WT1: variants seen among roughly 807,000 people sequenced by gnomAD.
WT1 encodes Wilms tumor protein.
A neutral mutation model predicts 60.8 loss-of-function variants in WT1; 8 were observed. That is an observed-to-expected ratio of 0.13 (90% CI 0.08 to 0.24). The LOEUF is 0.24. Ranked by LOEUF, WT1 falls within the 10% of genes least tolerant of loss-of-function variation. WT1 has a pLI of 1.00. For missense variants in WT1, 568 were observed against 711.8 expected (o/e 0.80, Z 2.30); for synonymous variants, 312 against 297.1 (o/e 1.05, Z -0.52).
chr11:32,408,312 G>A (rs1456533908), intron 5 of WT1, among the ~76,000 whole-genome samples: 1 of 151,358 alleles, frequency 6.6e-6, no homozygotes, highest in Admixed American at 6.6e-5. Context: ...CAGGAGATCA[G>A]GACCATCCTG....
At chr11:32,402,750 A>C (rs5030241) in intron 5 of WT1, among the ~76,000 whole-genome samples, 2 of 152,002 alleles carry the variant, frequency 1.3e-5, no homozygotes, top group African/African-American at 4.8e-5. Context: ...GGTCTTGCTA[A>C]GTCCTCCATA....
Position 32,409,083 on chromosome 11 carries a change from T to C in WT1, c.1016+7407A>G, listed in dbSNP as rs16923246. ...GTCACTTTCATATGCACTTATCAGA[T>C]CTTATTTGGGGAATGAATAGATACT... On this transcript the variant is annotated intron_variant, in intron 5 of 9. Coordinates refer to ENST00000452863, the MANE Select transcript of WT1 (RefSeq NM_024426.6). Among the ~76,000 whole-genome samples the C allele has an allele frequency of 3.3e-3, 507 of 152,286 alleles. 2 individuals are homozygous for C. The highest frequency in any genetic ancestry group is 0.012 in the African/African-American group (485 of 41,550).
intron 7 of WT1, among the ~76,000 whole-genome samples, chr11:32,395,056 A>G (rs1028734751): frequency 6.6e-6 from 1 of 152,232 alleles, no homozygotes; most frequent in Non-Finnish European, 1.5e-5. Context: ...TCTGTGGCCC[A>G]CTGAGTGCAA....
intron 3 of WT1, among the ~76,000 whole-genome samples, chr11:32,424,675 A>G (rs1489851033): frequency 6.6e-6 from 1 of 152,104 alleles, no homozygotes; most frequent in Non-Finnish European, 1.5e-5. Flanking sequence ...TTTTCTATTC[A>G]CTGTTGTTCA....
At chr11:32,426,215 A>C (rs1458557064) in intron 3 of WT1, among the ~76,000 whole-genome samples, 9 of 152,172 alleles carry the variant, frequency 5.9e-5, no homozygotes, top group Non-Finnish European at 7.3e-5. Context: ...CTCCCGCATC[A>C]AGGTCTTCTC....
chr11:32,405,178 C>T (rs371570158), intron 5 of WT1, among the ~76,000 whole-genome samples: 1 of 152,104 alleles, frequency 6.6e-6, no homozygotes, highest in East Asian at 1.9e-4. Context: ...CTCACAGGGA[C>T]GGCTACCCTG....
At chr11:32,393,747 C>A (rs771195854) in intron 7 of WT1, among the ~76,000 whole-genome samples, 7 of 152,230 alleles carry the variant, frequency 4.6e-5, no homozygotes, top group South Asian at 2.1e-4. Flanking sequence ...TTCTGCAATG[C>A]CTGCTTGGAA....
chr11:32,430,786 T>C, intron 1 of WT1: 1 of 1,308,016 alleles, frequency 7.6e-7, no homozygotes, highest in Non-Finnish European at 9.7e-7. Context: ...CTCCTTCAGG[T>C]CCCCCCGGGA....
intron 1 of WT1, among the ~76,000 whole-genome samples, chr11:32,429,336 A>G (rs945407244): frequency 1.3e-5 from 2 of 151,936 alleles, no homozygotes; most frequent in African/African-American, 4.8e-5. Flanking sequence ...GTAGGAGCCA[A>G]CTTCCTCACT....
chr11:32,433,756 G>C (rs1853387570), intron 1 of WT1, among the ~76,000 whole-genome samples: 1 of 152,238 alleles, frequency 6.6e-6, no homozygotes, highest in Non-Finnish European at 1.5e-5. Flanking sequence ...CGCGGGATGA[G>C]AAACCAACCT....
intron 5 of WT1, among the ~76,000 whole-genome samples, chr11:32,403,355 G>A (rs1274955434): frequency 1.3e-5 from 2 of 152,070 alleles, no homozygotes; most frequent in Non-Finnish European, 2.9e-5. Context: ...CTCGGTCTGG[G>A]AACCATAGAC....
chr11:32,433,778 T>G (rs1853388913), intron 1 of WT1, among the ~76,000 whole-genome samples: 1 of 152,200 alleles, frequency 6.6e-6, no homozygotes, highest in South Asian at 2.1e-4. Context: ...ATACTTATCG[T>G]GTGCCGAGTT....
intron 7 of WT1, among the ~76,000 whole-genome samples, chr11:32,393,344 T>G (rs753164124): frequency 3.3e-5 from 5 of 152,314 alleles, no homozygotes; most frequent in Non-Finnish European, 5.9e-5. Context: ...TTGGTGTGCT[T>G]TATCCAAGAG....
rs2132900226 is a variant in WT1 at position 32,389,195 on chromosome 11, C to T, written c.1448-16G>A. ...GGCTTTTCACCTGTTGACACAATTG[C>T]CAGTCAGAGACACTTGCAACAAAGA... On this transcript the variant is annotated splice_polypyrimidine_tract_variant and intron_variant, in intron 9 of 9. Transcript: ENST00000452863. 1.2e-6 allele frequency: 2 copies of T among 1,613,902 alleles called. No homozygotes were observed. The highest frequency in any genetic ancestry group is 1.7e-6 in the Non-Finnish European group (2 of 1,179,882).
chr11:32,430,379 G>A, intron 1 of WT1: 1 of 1,218,652 alleles, frequency 8.2e-7, no homozygotes, highest in Admixed American at 2.2e-5. Flanking sequence ...CGGAGTGAAG[G>A]CCGAATTTCT....
intron 1 of WT1, 87 bp from the exon 2 acceptor site, chr11:32,428,706 G>A (rs986938044): frequency 4.5e-6 from 7 of 1,544,996 alleles, no homozygotes; most frequent in East Asian, 2.4e-5. Context: ...GGCGGGGGGG[G>A]TGTGCGCTGA....
At chr11:32,399,660 C>G (rs1852086366) in intron 6 of WT1, among the ~76,000 whole-genome samples, 1 of 152,224 alleles carries the variant, frequency 6.6e-6, no homozygotes, top group Admixed American at 6.5e-5. Flanking sequence ...AATACAAAAG[C>G]TGCACAGCCC....
At chr11:32,431,434 C>CT (rs756490733) in intron 1 of WT1, among the ~76,000 whole-genome samples, 2,506 of 117,480 alleles carry the variant, frequency 0.021, 96 homozygotes, top group African/African-American at 0.076. Context: ...CAGGCAACCT[C>CT]TTTTTTTTTT....
intron 1 of WT1, among the ~76,000 whole-genome samples, chr11:32,434,175 G>A (rs1439023797): frequency 6.6e-6 from 1 of 152,062 alleles, no homozygotes; most frequent in Non-Finnish European, 1.5e-5. Context: ...GTGCACCTAA[G>A]TGTGTGCCAA....
Sources: gnomAD v4.1 joint callset for allele counts (sites outside exome capture counted in the v4.1 genomes callset) on GRCh38, gnomAD v4.1.1 for gene constraint, MANE v1.5 for transcripts, NCBI Gene and HGNC (gene_info 2026-07-23, HGNC 2026-07-21) for gene names.